Variants in KIAA1671 observed in about 807,000 individuals in gnomAD.
KIAA1671 encodes the protein uncharacterized protein KIAA1671.
KIAA1671 carries 52 observed loss-of-function variants against 131.2 expected under a neutral mutation model. The observed-to-expected ratio is 0.40, with a 90% CI of 0.32 to 0.50. The LOEUF (loss-of-function observed/expected upper bound fraction) is 0.50, where lower values mean the gene tolerates loss of function less well. Among genes scored for constraint, KIAA1671 ranks in the 20% least tolerant of loss-of-function variants. KIAA1671 has a pLI of 0.73. For synonymous variants in KIAA1671, 1,003 were observed against 961.6 expected, an observed-to-expected ratio of 1.04 and a Z score of -0.80; for missense variants, 2,360 against 2,364.2, an observed-to-expected ratio of 1.00 and a Z score of 0.04.
chr22:25,075,251 A>G (rs777228349), intron 6 of KIAA1671, among the ~76,000 whole-genome samples: 73 of 152,260 alleles, frequency 4.8e-4, no homozygotes, highest in East Asian at 1.2e-3. Context: ...ATGCTGCTTT[A>G]CATCCTATAA....
chr22:24,979,374 G>A (rs1444543306), intron 1 of KIAA1671, among the ~76,000 whole-genome samples: 1 of 145,728 alleles, frequency 6.9e-6, no homozygotes, highest in African/African-American at 2.6e-5. Context: ...TTTTGAGACG[G>A]AGTCTCGCTG....
At chr22:25,178,830 A>G (rs3855682) in intron 9 of KIAA1671, among the ~76,000 whole-genome samples, 1 of 151,826 alleles carries the variant, frequency 6.6e-6, no homozygotes, top group Non-Finnish European at 1.5e-5. Flanking sequence ...AGGCTCCCAG[A>G]CACCATCACC....
At chr22:25,170,429 G>A (rs1246556528) in intron 6 of KIAA1671, among the ~76,000 whole-genome samples, 1 of 152,200 alleles carries the variant, frequency 6.6e-6, no homozygotes, top group African/African-American at 2.4e-5. Context: ...GCAAGCGGGT[G>A]CATGGAGCTT....
intron 10 of KIAA1671, among the ~76,000 whole-genome samples, chr22:25,184,657 G>T (rs982670841): frequency 2.0e-5 from 3 of 152,200 alleles, no homozygotes; most frequent in African/African-American, 7.2e-5. Flanking sequence ...GTTGGATGGA[G>T]GGAGCTGCTC....
At chr22:25,093,798 CTCTCTCTCTCTCTG>C (rs1568951348) in intron 6 of KIAA1671, among the ~76,000 whole-genome samples, 3 of 140,478 alleles carry the variant, frequency 2.1e-5, no homozygotes, top group Non-Finnish European at 4.6e-5. Context: ...CTCTCTCTCT[CTCTCTCTCTCTCTG>C]TCTCTCTCTC....
intron 6 of KIAA1671, among the ~76,000 whole-genome samples, chr22:25,140,193 A>G (rs1223560497): frequency 6.6e-6 from 1 of 152,138 alleles, no homozygotes; most frequent in Non-Finnish European, 1.5e-5. Context: ...TATTGGCAGA[A>G]TTCATTTCCT....
At chr22:25,174,654 A>G (rs75547418) in intron 8 of KIAA1671, 165 bp downstream of exon 8, 5 of 724,238 alleles carry the variant, frequency 6.9e-6, no homozygotes, top group African/African-American at 1.8e-5. Context: ...TGGACCTGCC[A>G]TACACCTGCT....
chr22:25,006,798 G>A (rs758568399), intron 1 of KIAA1671, among the ~76,000 whole-genome samples: 13 of 152,034 alleles, frequency 8.6e-5, no homozygotes, highest in East Asian at 1.9e-4. Context: ...CTGTCCTCAC[G>A]TTCTCTCTCT....
In KIAA1671 at chr22:25,177,343, C is replaced by G; in HGVS notation, c.4900-5C>G. The G allele has an allele frequency of 6.5e-7, 1 of 1,545,186 alleles. No individual in the cohort carries two copies. Among genetic ancestry groups the G allele is most frequent in the Non-Finnish European group, 8.7e-7 (1 of 1,143,090 alleles). ...TTTTCCTCTTCCTCCCTGCTGCTCC[C>G]AAAGCAAACCTCAGTCCTCGACTCA... On this transcript the variant is annotated splice_polypyrimidine_tract_variant and splice_region_variant and intron_variant, in intron 8 of 12. Coordinates refer to ENST00000358431, the MANE Select transcript of KIAA1671 (RefSeq NM_001145206.2).
intron 6 of KIAA1671, among the ~76,000 whole-genome samples, chr22:25,088,744 A>G (rs936973810): frequency 2.7e-4 from 41 of 152,102 alleles, no homozygotes; most frequent in African/African-American, 9.9e-4. Context: ...CCCTGCCATC[A>G]CCTCCAATCT....
chr22:25,168,366 T>C (rs182171075), intron 6 of KIAA1671, among the ~76,000 whole-genome samples: 4 of 152,276 alleles, frequency 2.6e-5, no homozygotes, highest in African/African-American at 9.6e-5. Flanking sequence ...GTAATATAAA[T>C]TATGTGTCAC....
Position 25,032,646 on chromosome 22 carries a change from G to A in KIAA1671, c.1579G>A (p.Glu527Lys). 1.3e-6 allele frequency: 2 copies of A among 1,547,622 alleles called. No individual in the cohort carries two copies. The highest frequency in any genetic ancestry group is 8.7e-7 in the Non-Finnish European group (1 of 1,143,676). ...AGCTTCCAGCAACGAAGTCAAATAT[G>A]AGAAGAGTGCTGAGCTGAGCGGCGA... Reference protein sequence around the residue: ...SSASSNEVKYEKSAELSGEFP... With the variant: ...SSASSNEVKYKKSAELSGEFP... Residue 527 changes from glutamate (E) to lysine (K), a missense_variant, in exon 4 of 13, where the codon GAG (glutamate) becomes AAG (lysine). By Grantham distance (56) the Glu-to-Lys change is moderately conservative (BLOSUM62 1). Around this residue, in one of 3 missense-constraint regions of KIAA1671, gnomAD observed 1,185 missense variants for 1,126.2 expected, o/e 1.05. Coordinates refer to ENST00000358431, the MANE Select transcript of KIAA1671 (RefSeq NM_001145206.2).
chr22:25,097,174 C>T (rs1930431170), intron 6 of KIAA1671, among the ~76,000 whole-genome samples: 1 of 152,170 alleles, frequency 6.6e-6, no homozygotes, highest in African/African-American at 2.4e-5. Flanking sequence ...GTATGATAAA[C>T]TTGTTAAGAA....
At chr22:24,960,039 C>T (rs1602026909) in intron 1 of KIAA1671, among the ~76,000 whole-genome samples, 1 of 151,094 alleles carries the variant, frequency 6.6e-6, no homozygotes, top group Non-Finnish European at 1.5e-5. Context: ...GGGGCTGAGG[C>T]GGGAGGATCA....
intron 1 of KIAA1671, among the ~76,000 whole-genome samples, chr22:24,960,129 TCAAATAAA>T (rs1921935333): frequency 8.4e-6 from 1 of 118,734 alleles, no homozygotes; most frequent in Non-Finnish European, 1.6e-5. Flanking sequence ...AGACTCCGTC[TCAAATAAA>T]TAAATAAATA....
chr22:25,173,352 A>G (rs373508943), intron 7 of KIAA1671, among the ~76,000 whole-genome samples: 5 of 152,304 alleles, frequency 3.3e-5, no homozygotes, highest in African/African-American at 1.2e-4. Flanking sequence ...GGATTATTGG[A>G]GAGGACTGAA....
chr22:25,029,385 C>A lies in KIAA1671; in HGVS notation c.1386C>A (p.Thr462=). 6.4e-7 allele frequency: 1 copy of A among 1,551,404 alleles called. No individual in the cohort carries two copies. The highest frequency in any genetic ancestry group is 8.7e-7 in the Non-Finnish European group (1 of 1,146,848). Residue 462 remains threonine (T), a synonymous_variant, in exon 3 of 13, where the codon ACC becomes ACA. Transcript: ENST00000358431. The part of the protein sequence containing the change: ...LAVGSESPLA[T]PASPSAAPEP... ...TGGGGTCTGAATCTCCCCTGGCCAC[C>A]CCTGCGTCCCCATCGGCGGCACCAG...
At position 25,040,875 on chromosome 22, in the gene KIAA1671, A is replaced by C. The variant is rs1445176480; in HGVS notation, c.3745A>C (p.Ser1249Arg). Residue 1249 changes from serine (S) to arginine (R), a missense_variant, in exon 5 of 13, where the codon AGC becomes CGC. Around this residue, in one of 3 missense-constraint regions of KIAA1671, gnomAD observed 1,161 missense variants for 1,204.7 expected, o/e 0.96. Transcript: ENST00000358431. ...GGGCGGGGTGGAGCAGAGAAGGAGG[A>C]GCCTGAAGGAGATGCCCGATACCGG... is the stretch of plus-strand genomic sequence containing the variant. ...QLGGVEQRRR[S>R]LKEMPDTGGL... The C allele has an allele frequency of 2.6e-6, 4 of 1,534,360 alleles. No homozygotes were observed. In the African/African-American group the frequency reaches 5.5e-5, roughly 21 times the overall value.
chr22:24,993,593 A>G (rs986541560), intron 1 of KIAA1671, among the ~76,000 whole-genome samples: 11 of 151,972 alleles, frequency 7.2e-5, no homozygotes, highest in African/African-American at 2.4e-4. Flanking sequence ...CTCCCTTGTC[A>G]CATGCTACTG....
Sources: gnomAD v4.1 joint callset for allele counts (sites outside exome capture counted in the v4.1 genomes callset) on GRCh38, gnomAD v4.1.1 for gene constraint, gnomAD v4.1.1 regional missense constraint, MANE v1.5 for transcripts, NCBI Gene and HGNC (gene_info 2026-07-23, HGNC 2026-07-21) for gene names.